Variants in CTNNA2 observed in about 807,000 individuals in gnomAD.
CTNNA2 encodes the protein catenin alpha-2.
Under a neutral mutation model 101.0 loss-of-function variants are expected in CTNNA2, and 42 were observed. That is an observed-to-expected ratio of 0.42 (90% confidence interval 0.32 to 0.54). CTNNA2 has a LOEUF of 0.54. Ranked by LOEUF, CTNNA2 falls within the 20% of genes least tolerant of loss-of-function variation. The pLI is 0.14. For synonymous variants in CTNNA2, 450 were observed against 456.4 expected, an observed-to-expected ratio of 0.99 and a Z score of 0.18; for missense variants, 871 against 1,223.1, an observed-to-expected ratio of 0.71 and a Z score of 4.29.
intron 1 of CTNNA2, among the ~76,000 whole-genome samples, chr2:79,527,580 G>C (rs1033392683): frequency 9.2e-5 from 14 of 151,696 alleles, no homozygotes; most frequent in Non-Finnish European, 1.9e-4. Flanking sequence ...AGGAGGCGGA[G>C]GCTGCAGTGA....
intron 7 of CTNNA2, among the ~76,000 whole-genome samples, chr2:80,236,402 C>T (rs541865058): frequency 6.1e-4 from 93 of 152,260 alleles, no homozygotes; most frequent in Admixed American, 1.4e-3. Flanking sequence ...AGAGAGTTGA[C>T]GTTATTGGTC....
chr2:80,000,858 C>A (rs636935), intron 7 of CTNNA2, among the ~76,000 whole-genome samples: 1 of 151,986 alleles, frequency 6.6e-6, no homozygotes, highest in Admixed American at 6.6e-5. Context: ...GGCCAACAAG[C>A]GGGGAAGGGT....
intron 7 of CTNNA2, among the ~76,000 whole-genome samples, chr2:80,100,515 A>G (rs1700476121): frequency 6.6e-6 from 1 of 151,682 alleles, no homozygotes; most frequent in African/African-American, 2.4e-5. Flanking sequence ...AGCATTTTCT[A>G]TTTACTATAT....
At chr2:80,155,531 T>C (rs1703955159) in intron 7 of CTNNA2, among the ~76,000 whole-genome samples, 1 of 152,178 alleles carries the variant, frequency 6.6e-6, no homozygotes, top group Non-Finnish European at 1.5e-5. Flanking sequence ...GCCAGTGACT[T>C]CTTCATTTCC....
At chr2:80,105,318 A>G (rs1053108266) in intron 7 of CTNNA2, among the ~76,000 whole-genome samples, 1 of 152,194 alleles carries the variant, frequency 6.6e-6, no homozygotes, top group Admixed American at 6.5e-5. Context: ...ATCTAACAAG[A>G]AATGCTCTAG....
intron 4 of CTNNA2, among the ~76,000 whole-genome samples, chr2:79,475,721 AT>A (rs1191614938): frequency 1.3e-5 from 2 of 150,994 alleles, no homozygotes; most frequent in African/African-American, 2.4e-5. Context: ...ATTCAGGAAA[AT>A]TTCTTGCTTA....
At chr2:79,409,746 T>A (rs1301065677) in intron 4 of CTNNA2, among the ~76,000 whole-genome samples, 22 of 148,570 alleles carry the variant, frequency 1.5e-4, no homozygotes, top group Non-Finnish European at 2.8e-4. Context: ...TGCCTCCAGC[T>A]TTGTTCTTTT....
chr2:79,356,360 C>T (rs1677508967), intron 3 of CTNNA2, among the ~76,000 whole-genome samples: 1 of 152,026 alleles, frequency 6.6e-6, no homozygotes, highest in African/African-American at 2.4e-5. Flanking sequence ...ATAACCTTTT[C>T]AGATATATGA....
chr2:80,111,943 A>G (rs1573113350), intron 7 of CTNNA2, among the ~76,000 whole-genome samples: 1 of 152,250 alleles, frequency 6.6e-6, no homozygotes, highest in East Asian at 1.9e-4. Context: ...AAGTATTATT[A>G]AGATCTATCT....
At chr2:79,822,745 G>C (rs1009834014) in intron 3 of CTNNA2, among the ~76,000 whole-genome samples, 2 of 152,108 alleles carry the variant, frequency 1.3e-5, no homozygotes, top group Non-Finnish European at 2.9e-5. Flanking sequence ...TGTAACCAAA[G>C]GGCTCTTCAA....
At chr2:80,228,893 C>G (rs112547397) in intron 7 of CTNNA2, among the ~76,000 whole-genome samples, 1 of 152,134 alleles carries the variant, frequency 6.6e-6, no homozygotes, top group East Asian at 1.9e-4. Context: ...CATTTTGTAA[C>G]AGCAAACATA....
chr2:80,322,437 C>T (rs1222959200), intron 7 of CTNNA2, among the ~76,000 whole-genome samples: 2 of 152,194 alleles, frequency 1.3e-5, no homozygotes, highest in African/African-American at 4.8e-5. Context: ...TTACCATTGT[C>T]ATAGTAACAC....
chr2:80,578,045 T>C (rs1695211208), intron 13 of CTNNA2, among the ~76,000 whole-genome samples: 1 of 152,152 alleles, frequency 6.6e-6, no homozygotes, highest in South Asian at 2.1e-4. Flanking sequence ...TGCAGAGGAA[T>C]AGAGCACCAG....
intron 7 of CTNNA2, among the ~76,000 whole-genome samples, chr2:80,160,379 C>A (rs1704236661): frequency 6.6e-6 from 1 of 152,082 alleles, no homozygotes; most frequent in African/African-American, 2.4e-5. Context: ...ACCTGTATAT[C>A]AATTTGGGTA....
chr2:79,935,315 T>C (rs1341052186), intron 7 of CTNNA2, among the ~76,000 whole-genome samples: 1 of 151,748 alleles, frequency 6.6e-6, no homozygotes, highest in African/African-American at 2.4e-5. Flanking sequence ...TTTAGACTGG[T>C]CTGCCCAGAG....
At chr2:80,163,037 A>G (rs939256999) in intron 7 of CTNNA2, 30 of 1,564,054 alleles carry the variant, frequency 1.9e-5, no homozygotes, top group Admixed American at 1.0e-4. Context: ...TGATTCCATT[A>G]AGTAGATTCA....
At chr2:79,374,264 C>A (rs375463708) in intron 4 of CTNNA2, among the ~76,000 whole-genome samples, 8 of 152,230 alleles carry the variant, frequency 5.3e-5, no homozygotes, top group East Asian at 3.9e-4. Flanking sequence ...CTGTCTCTAA[C>A]CCTCTTGTTT....
intron 4 of CTNNA2, among the ~76,000 whole-genome samples, chr2:79,441,039 A>C (rs1282380539): frequency 6.6e-6 from 1 of 152,236 alleles, no homozygotes; most frequent in Non-Finnish European, 1.5e-5. Flanking sequence ...TGTTCTTCTT[A>C]GAATCATCTC....
chr2:80,109,113 G>T (rs770371578), intron 7 of CTNNA2, among the ~76,000 whole-genome samples: 1 of 152,320 alleles, frequency 6.6e-6, no homozygotes, highest in African/African-American at 2.4e-5. Flanking sequence ...TTTTAGGATT[G>T]TTCCATGAAC....
Sources: allele counts gnomAD v4.1 joint callset (sites outside exome capture counted in the v4.1 genomes callset), GRCh38; gene constraint gnomAD v4.1.1; transcripts MANE v1.5; gene names NCBI Gene and HGNC (gene_info 2026-07-23, HGNC 2026-07-21).